SLC30A3: variants seen among roughly 807,000 people sequenced by gnomAD.
SLC30A3 encodes the protein solute carrier family 30 member 3.
In SLC30A3, 20 loss-of-function variants were observed where a neutral mutation model predicts 35.6. That is an observed-to-expected ratio of 0.56 (90% CI 0.39 to 0.82). SLC30A3 has a LOEUF of 0.82. Ranked by LOEUF, SLC30A3 falls within the 40% of genes least tolerant of loss-of-function variation. The pLI, the probability that SLC30A3 is intolerant of heterozygous loss-of-function variation, is 0.00. For synonymous variants in SLC30A3, 217 were observed against 224.7 expected (o/e 0.97, Z 0.31); for missense variants, 401 against 530.6 (o/e 0.76, Z 2.40).
At position 27,256,536 on chromosome 2, in the gene SLC30A3, G is replaced by C. The variant is rs1243545719; in HGVS notation, c.884-16C>G. ...CGGGGGGTACCTGCAACCAGCACCAGTCATGCCTTACTGCTAGGGCTACTC... is the reference window on the plus strand; with the variant it reads ...CGGGGGGTACCTGCAACCAGCACCACTCATGCCTTACTGCTAGGGCTACTC... On this transcript the variant is annotated splice_polypyrimidine_tract_variant and intron_variant, in intron 6 of 7. Transcript: ENST00000233535. 1 of 1,613,860 alleles carries C rather than the reference G, an allele frequency of 6.2e-7. No homozygotes were observed. The highest frequency in any genetic ancestry group is 8.5e-7 in the Non-Finnish European group (1 of 1,179,968).
upstream of SLC30A3, among the ~76,000 whole-genome samples, chr2:27,267,240 T>C (rs1677532465): frequency 6.6e-6 from 1 of 152,190 alleles, no homozygotes; most frequent in Admixed American, 6.5e-5. Flanking sequence ...ATCTGTCTTC[T>C]TGATTACTGC....
upstream of SLC30A3, chr2:27,264,108 A>C: frequency 7.9e-7 from 1 of 1,260,678 alleles, no homozygotes; most frequent in Non-Finnish European, 1.0e-6. The surrounding 1 kb of genome is among the most constrained non-coding windows in gnomAD (Gnocchi z 6.1). Flanking sequence ...GGGTGGGAAG[A>C]GGATTGTGCA....
chr2:27,270,763 G>A lies in SLC30A3; in HGVS notation c.-159+4414C>T, dbSNP rs140069117. 3.9e-3 allele frequency among the ~76,000 whole-genome samples: 590 copies of A among 152,236 alleles called. 2 individuals carry two copies. Among genetic ancestry groups the A allele is most frequent in the Non-Finnish European group, 6.4e-3 (438 of 68,024 alleles). On this transcript the variant is annotated intron_variant, in intron 1 of 5. Coordinates refer to the SLC30A3 transcript ENST00000424577. Reference sequence around the variant, plus strand: ...ACATGAAGCAGTCTCCTTTCTAGCTGAAAGTCTTCCACCTCCCATCCTGAG... The same window carrying A: ...ACATGAAGCAGTCTCCTTTCTAGCTAAAAGTCTTCCACCTCCCATCCTGAG...
chr2:27,273,047 A>ATAT lies in SLC30A3; in HGVS notation c.-159+2129_-159+2130insATA, dbSNP rs1183623727. On this transcript the variant is annotated intron_variant, in intron 1 of 5. Transcript: ENST00000424577. The stretch of plus-strand genomic sequence containing the variant: ...ACTAAGACCTTGTCTCAAAAAAAAA[A>ATAT]AAAAATATATATATATATATGGATA... 2.8e-5 allele frequency among the ~76,000 whole-genome samples: 4 copies of ATAT among 145,404 alleles called. 1 individual carries two copies. Among genetic ancestry groups the ATAT allele is most frequent in the African/African-American group, 5.3e-5 (2 of 37,592 alleles).
intron 1 of SLC30A3, among the ~76,000 whole-genome samples, chr2:27,260,044 A>G (rs1677100127): frequency 6.6e-6 from 1 of 152,188 alleles, no homozygotes; most frequent in African/African-American, 2.4e-5. Flanking sequence ...CCAAGGCAGT[A>G]TGAAGGGAAG....
exon 1 of SLC30A3, chr2:27,275,201 C>A (rs757798420): frequency 7.7e-7 from 1 of 1,304,210 alleles, no homozygotes; most frequent in South Asian, 1.2e-5. Flanking sequence ...GGTCAGCAAA[C>A]CCATTGTGTT....
At chr2:27,265,290 C>A (rs772160660), upstream of SLC30A3, among the ~76,000 whole-genome samples, 1 of 152,240 alleles carries the variant, frequency 6.6e-6, no homozygotes, top group African/African-American at 2.4e-5. The surrounding 1 kb of genome is among the most constrained non-coding windows in gnomAD (Gnocchi z 5.9). Context: ...CGTGGCCAAA[C>A]GTGCCGCCTC....
Position 27,256,778 on chromosome 2 carries a change from C to A in SLC30A3, c.883+10G>T, listed in dbSNP as rs367727259. On this transcript the variant is annotated intron_variant, in intron 6 of 7. Transcript: ENST00000233535. ...GCCACAGGGATGGGGAGCTGTGGTG[C>A]CCGACTCACCTTCCATGAGGATTCG... 2.1e-5 allele frequency: 33 copies of A among 1,580,472 alleles called. No individual in the cohort carries two copies. The highest frequency in any genetic ancestry group is 2.7e-5 in the Non-Finnish European group (31 of 1,157,862).
chr2:27,262,958 C>T lies in SLC30A3; in HGVS notation c.-52G>A. The T allele has an allele frequency of 6.8e-7, 1 of 1,466,350 alleles. No individual in the cohort carries two copies. The highest frequency in any genetic ancestry group is 8.9e-7 in the Non-Finnish European group (1 of 1,119,086). 90.8% of individuals were successfully genotyped at this position (1,466,350 alleles called of 1,614,324 possible). A position where few individuals can be genotyped will look rare whatever the true frequency, so the allele number is the denominator to read the frequency against. ...CCCACCGAGGAAGAGAGAGGCCGGG[C>T]CGGCCCCGCGCCAAGTCCGAGCAGC... On this transcript the variant is annotated 5_prime_UTR_variant, in exon 1 of 8. Transcript: ENST00000233535. The surrounding 1 kb of genome is among the most constrained non-coding windows in gnomAD (Gnocchi z 7.5).
In SLC30A3 at chr2:27,257,840, C is replaced by T; in HGVS notation, c.578+65G>A. On this transcript the variant is annotated intron_variant, in intron 4 of 7. Transcript: ENST00000233535. This position sits in a 1 kb window ranked among gnomAD's most constrained non-coding sequence, Gnocchi z 4.7. ...TGGTGGGGAGGAGAGAGCCAGCTCTCCCATCCTGGAGGAAGACCCCTCGCC... is the reference window on the plus strand; with the variant it reads ...TGGTGGGGAGGAGAGAGCCAGCTCTTCCATCCTGGAGGAAGACCCCTCGCC... 1 of 1,504,796 alleles carries T rather than the reference C, an allele frequency of 6.6e-7. No individual in the cohort carries two copies. Among genetic ancestry groups the T allele is most frequent in the Middle Eastern group, 1.7e-4 (1 of 5,828 alleles). 93.2% of individuals were successfully genotyped at this position (1,504,796 alleles called of 1,614,324 possible). A position where few individuals can be genotyped will look rare whatever the true frequency, so the allele number is the denominator to read the frequency against.
At chr2:27,273,780 T>C (rs1217834661) in intron 1 of SLC30A3, among the ~76,000 whole-genome samples, 2 of 150,908 alleles carry the variant, frequency 1.3e-5, no homozygotes, top group Non-Finnish European at 2.9e-5. Context: ...GGTGGAATAC[T>C]GATTTACAAG....
chr2:27,258,935 C>T lies in SLC30A3; in HGVS notation c.96-1G>A. ...GGGCTCTGAGGGCTCTGTGAAGAGA[C>T]TGAGGCAAGCAACATGGTTCAACCT... On this transcript the variant is annotated splice_acceptor_variant, in intron 1 of 7. Coordinates refer to ENST00000233535, the MANE Select transcript of SLC30A3 (RefSeq NM_003459.5). LOFTEE classifies it high-confidence loss of function. This position sits in a 1 kb window ranked among gnomAD's most constrained non-coding sequence, Gnocchi z 4.0. The T allele has an allele frequency of 6.3e-7, 1 of 1,581,938 alleles. No individual in the cohort carries two copies. Among genetic ancestry groups the T allele is most frequent in the Non-Finnish European group, 8.6e-7 (1 of 1,164,216 alleles).
chr2:27,258,431 G>T lies in SLC30A3; in HGVS notation c.278-124C>A. On this transcript the variant is annotated intron_variant, in intron 2 of 7. Coordinates refer to ENST00000233535, the MANE Select transcript of SLC30A3 (RefSeq NM_003459.5). This position sits in a 1 kb window ranked among gnomAD's most constrained non-coding sequence, Gnocchi z 4.0. ...GATTTGGGGTTTTCTCAGGTGATGG[G>T]ACTACAGGTATAATTAACTACTGTT... 1.1e-6 allele frequency: 1 copy of T among 873,466 alleles called. No homozygotes were observed. Among genetic ancestry groups the T allele is most frequent in the Non-Finnish European group, 1.7e-6 (1 of 585,566 alleles). The allele number at this position is 873,466 out of a possible 1,614,324, so 54.1% of individuals were successfully genotyped here.
chr2:27,257,406 C>T lies in SLC30A3; in HGVS notation c.579-54G>A, dbSNP rs1484830094. 3.3e-6 allele frequency: 5 copies of T among 1,509,218 alleles called. No homozygotes were observed. The highest frequency in any genetic ancestry group is 2.4e-5 in the East Asian group (1 of 41,062). The allele number at this position is 1,509,218 out of a possible 1,614,324, so 93.5% of individuals were successfully genotyped here. ...AGGGCCCTGCTCCTGGCCTCCTATA[C>T]CCCCATCTCCATGTCTCACCTCCCC... On this transcript the variant is annotated intron_variant, in intron 4 of 7. Coordinates refer to ENST00000233535, the MANE Select transcript of SLC30A3 (RefSeq NM_003459.5). This position sits in a 1 kb window ranked among gnomAD's most constrained non-coding sequence, Gnocchi z 4.7.
At chr2:27,268,393 C>T (rs559828775) in intron 1 of SLC30A3, among the ~76,000 whole-genome samples, 1 of 152,298 alleles carries the variant, frequency 6.6e-6, no homozygotes, top group South Asian at 2.1e-4. Context: ...AATGGTGTGA[C>T]AGCAATGGTA....
rs773921851 is a variant in SLC30A3, at chr2:27,262,892, T to C, written c.15A>G (p.Pro5=). 6 of 1,557,864 alleles carry C rather than the reference T, an allele frequency of 3.9e-6. 1 individual carries two copies. Among genetic ancestry groups the C allele is most frequent in the Middle Eastern group, 3.6e-4 (2 of 5,608 alleles). Residue 5 remains proline (P), a synonymous_variant, in exon 1 of 8, where the codon CCA becomes CCG. Coordinates refer to ENST00000233535, the MANE Select transcript of SLC30A3 (RefSeq NM_003459.5). The surrounding 1 kb of genome is among the most constrained non-coding windows in gnomAD (Gnocchi z 7.5). The part of the protein sequence containing the change: MEPS[P]AAGGLETTRL... ...GAGTGGTCTCCAAGCCCCCAGCGGC[T>C]GGAGAGGGCTCCATGTTCCCGGTGC... is the stretch of plus-strand genomic sequence containing the variant.
chr2:27,263,106 G>C, upstream of SLC30A3: 4 of 1,347,790 alleles, frequency 3.0e-6, no homozygotes, highest in Non-Finnish European at 3.8e-6. Context: ...CCCCGCGTGG[G>C]GCGAGCTCCC....
At position 27,262,851 on chromosome 2, in the gene SLC30A3, C is replaced by CG; in HGVS notation, c.55dup (p.Arg19ProfsTer25). 6.4e-7 allele frequency: 1 copy of CG among 1,566,260 alleles called. No homozygotes were observed. Among genetic ancestry groups the CG allele is most frequent in the Admixed American group, 1.9e-5 (1 of 52,302 alleles). The stretch of plus-strand genomic sequence containing the variant: ...GCTGCCTCCGGCGCCACCGCGGTCC[C>CG]GGGGGCTCACCAGGCGAGTGGTCTC... On this transcript the variant is annotated frameshift_variant, in exon 1 of 8. Transcript: ENST00000233535. LOFTEE classifies it high-confidence loss of function. This position sits in a 1 kb window ranked among gnomAD's most constrained non-coding sequence, Gnocchi z 7.5.
intron 1 of SLC30A3, among the ~76,000 whole-genome samples, chr2:27,274,331 CAACAA>C (rs755810261): frequency 2.0e-5 from 3 of 151,874 alleles, no homozygotes; most frequent in African/African-American, 7.3e-5. Context: ...CCTCAAAACA[CAACAA>C]AACAAACAAA....
Sources: allele counts gnomAD v4.1 joint callset (sites outside exome capture counted in the v4.1 genomes callset), GRCh38; gene constraint gnomAD v4.1.1; non-coding constraint Gnocchi (gnomAD v3.1); transcripts MANE v1.5; gene names NCBI Gene and HGNC (gene_info 2026-07-23, HGNC 2026-07-21).